Variants in TMEM132C observed in about 807,000 individuals in gnomAD.
TMEM132C encodes protein phosphatase 1, regulatory subunit 152.
A neutral mutation model predicts 61.4 loss-of-function variants in TMEM132C; 29 were observed. The ratio of observed to expected loss-of-function variants is 0.47; its 90% CI spans 0.35 to 0.64. The LOEUF (loss-of-function observed/expected upper bound fraction) is 0.64. Ranked by LOEUF, TMEM132C falls within the 30% of genes least tolerant of loss-of-function variation. The pLI, the probability that TMEM132C is intolerant of heterozygous loss-of-function variation, is 0.00. For missense variants in TMEM132C, 1,408 were observed against 1,476.9 expected (o/e 0.95, Z 0.76); for synonymous variants, 656 against 633.1 (o/e 1.04, Z -0.54).
rs941797460 is a variant in TMEM132C, at chr12:128,278,108, C to T, written c.85+10621C>T. Among the ~76,000 whole-genome samples, 1 of 152,094 alleles carries T rather than the reference C, an allele frequency of 6.6e-6. No individual in the cohort carries two copies. Among genetic ancestry groups the T allele is most frequent in the Admixed American group, 6.5e-5 (1 of 15,276 alleles). On this transcript the variant is annotated intron_variant, in intron 1 of 8. Transcript: ENST00000435159. This position sits in a 1 kb window ranked among gnomAD's most constrained non-coding sequence, Gnocchi z 4.2. ...TGCTAAAGCCTGCCAGTTTCTCATG[C>T]CGCAGCTGTATACGGTGACCCTAAA...
chr12:128,590,072 G>A (rs1460900039), intron 3 of TMEM132C, among the ~76,000 whole-genome samples: 5 of 152,208 alleles, frequency 3.3e-5, no homozygotes, highest in Admixed American at 3.3e-4. Flanking sequence ...TCTGGGATAT[G>A]GAGGCTTTGG....
chr12:128,447,549 A>T (rs1448944309), intron 2 of TMEM132C, among the ~76,000 whole-genome samples: 1 of 152,180 alleles, frequency 6.6e-6, no homozygotes, highest in Non-Finnish European at 1.5e-5. Flanking sequence ...ACCCTTATGC[A>T]TAGCATTTGC....
intron 3 of TMEM132C, among the ~76,000 whole-genome samples, chr12:128,601,334 C>A (rs992976096): frequency 6.6e-6 from 1 of 152,190 alleles, no homozygotes; most frequent in Non-Finnish European, 1.5e-5. Context: ...CGGCTCCTGG[C>A]GCAATCACCC....
intron 2 of TMEM132C, among the ~76,000 whole-genome samples, chr12:128,521,002 G>T (rs1172291937): frequency 1.3e-5 from 2 of 151,540 alleles, no homozygotes; most frequent in East Asian, 4.0e-4. Flanking sequence ...AAAGGAATGT[G>T]CTTATTAAGG....
rs57084554 is a variant in TMEM132C at position 128,680,596 on chromosome 12, C to A, written c.1449+11036C>A. ...TGTGGCTAGTGTCTACCACACTGGA[C>A]AGCACACATATGGGACATTTCCATC... On this transcript the variant is annotated intron_variant, in intron 5 of 8. Coordinates refer to ENST00000435159, the MANE Select transcript of TMEM132C (RefSeq NM_001136103.3). Among the ~76,000 whole-genome samples, 20 of 152,116 alleles carry A rather than the reference C, an allele frequency of 1.3e-4. No individual in the cohort carries two copies. The South Asian group carries it at 1.7e-3, about 13-fold the overall frequency.
chr12:128,553,527 G>T (rs1008103504), intron 3 of TMEM132C, among the ~76,000 whole-genome samples: 7 of 152,098 alleles, frequency 4.6e-5, no homozygotes, highest in African/African-American at 1.7e-4. Context: ...AAAGTACTTT[G>T]CTTGTCCCAT....
intron 5 of TMEM132C, among the ~76,000 whole-genome samples, chr12:128,687,635 G>C (rs927193231): frequency 6.6e-6 from 1 of 152,216 alleles, no homozygotes; most frequent in Admixed American, 6.5e-5. Flanking sequence ...CAGCTGGGTC[G>C]AGTGAACAGT....
intron 2 of TMEM132C, among the ~76,000 whole-genome samples, chr12:128,498,843 T>TAA (rs201040252): frequency 2.0e-5 from 3 of 150,734 alleles, no homozygotes; most frequent in African/African-American, 7.3e-5. Context: ...CCCTGAAAAC[T>TAA]AAAAAAAAAC....
At chr12:128,586,838 C>T (rs1421118119) in intron 3 of TMEM132C, among the ~76,000 whole-genome samples, 1 of 152,248 alleles carries the variant, frequency 6.6e-6, no homozygotes, top group Non-Finnish European at 1.5e-5. Context: ...AGCAAAAGCC[C>T]TCCCTGCTGC....
intron 2 of TMEM132C, among the ~76,000 whole-genome samples, chr12:128,524,603 G>C (rs1431662665): frequency 1.3e-5 from 2 of 152,154 alleles, no homozygotes; most frequent in Admixed American, 6.5e-5. Context: ...TGTGAATTGG[G>C]AGAAAACAAG....
rs554102159 is a variant in TMEM132C, at chr12:128,614,184, G to A, written c.1122-1968G>A. Reference sequence around the variant, plus strand: ...ATTGATCAACAGCTCTACAAAGCTCGGCCAACTTCCCCTTCTCTGACCTTC... The same window carrying A: ...ATTGATCAACAGCTCTACAAAGCTCAGCCAACTTCCCCTTCTCTGACCTTC... On this transcript the variant is annotated intron_variant, in intron 3 of 8. Coordinates refer to ENST00000435159, the MANE Select transcript of TMEM132C (RefSeq NM_001136103.3). Among the ~76,000 whole-genome samples the A allele has an allele frequency of 1.1e-4, 16 of 152,252 alleles. No individual in the cohort carries two copies. In the East Asian group the frequency reaches 1.7e-3, roughly 17 times the overall value.
chr12:128,541,395 G>A (rs1328291492), intron 2 of TMEM132C, among the ~76,000 whole-genome samples: 1 of 152,142 alleles, frequency 6.6e-6, no homozygotes, highest in African/African-American at 2.4e-5. Context: ...GTGGTGATGA[G>A]CCCCTCTGTT....
intron 5 of TMEM132C, among the ~76,000 whole-genome samples, chr12:128,691,709 A>G (rs1025644182): frequency 3.3e-5 from 5 of 152,134 alleles, no homozygotes; most frequent in Non-Finnish European, 7.4e-5. Flanking sequence ...CCATCCACCC[A>G]TCAGTTCATC....
chr12:128,588,820 T>C (rs1875644510), intron 3 of TMEM132C, among the ~76,000 whole-genome samples: 1 of 152,166 alleles, frequency 6.6e-6, no homozygotes, highest in South Asian at 2.1e-4. Context: ...TGCAGAACTG[T>C]GAGCAGTATG....
intron 1 of TMEM132C, among the ~76,000 whole-genome samples, chr12:128,336,914 C>T (rs927836139): frequency 4.6e-5 from 7 of 152,290 alleles, no homozygotes; most frequent in South Asian, 2.1e-4. Flanking sequence ...CTTCATATCC[C>T]GCATTTGTGC....
intron 3 of TMEM132C, among the ~76,000 whole-genome samples, chr12:128,611,559 G>A (rs951965998): frequency 2.0e-5 from 3 of 152,238 alleles, no homozygotes; most frequent in Admixed American, 1.3e-4. Context: ...CACTGCAGTT[G>A]GAGAATCACC....
chr12:128,538,649 C>T (rs2136142981), intron 2 of TMEM132C, among the ~76,000 whole-genome samples: 1 of 152,336 alleles, frequency 6.6e-6, no homozygotes, highest in African/African-American at 2.4e-5. Context: ...TACTGCTTCT[C>T]TCCACGCACA....
chr12:128,650,596 GT>G (rs1296257589), intron 4 of TMEM132C, among the ~76,000 whole-genome samples: 2 of 152,070 alleles, frequency 1.3e-5, no homozygotes, highest in African/African-American at 2.4e-5. Flanking sequence ...GGCAAGGATA[GT>G]GCATGCCTGC....
At chr12:128,380,051 C>T (rs1874350928) in intron 1 of TMEM132C, among the ~76,000 whole-genome samples, 1 of 152,232 alleles carries the variant, frequency 6.6e-6, no homozygotes, top group Admixed American at 6.5e-5. Context: ...GCCTCAGTTT[C>T]CTTATCTGTA....
Sources: gnomAD v4.1 joint callset for allele counts (sites outside exome capture counted in the v4.1 genomes callset) on GRCh38, gnomAD v4.1.1 for gene constraint, Gnocchi (gnomAD v3.1) non-coding constraint, MANE v1.5 for transcripts, NCBI Gene and HGNC (gene_info 2026-07-23, HGNC 2026-07-21) for gene names.